The following SLC44A3 variants were observed in gnomAD, a reference collection of about 807,000 sequenced individuals.
The protein encoded by SLC44A3 is choline transporter-like protein 3.
In SLC44A3, 74 loss-of-function variants were observed where a neutral mutation model predicts 75.4. The ratio of observed to expected loss-of-function variants is 0.98; its 90% CI spans 0.81 to 1.19. The LOEUF (loss-of-function observed/expected upper bound fraction) is 1.19. SLC44A3 is among the 50% of genes most tolerant of loss of function. The pLI, the probability that SLC44A3 is intolerant of heterozygous loss-of-function variation, is 0.00. For synonymous variants in SLC44A3, 310 were observed against 296.9 expected (o/e 1.04, Z -0.45); for missense variants, 700 against 778.6 (o/e 0.90, Z 1.20).
intron 2 of SLC44A3, among the ~76,000 whole-genome samples, chr1:94,821,418 C>G (rs1048397602): frequency 8.5e-5 from 13 of 152,196 alleles, no homozygotes; most frequent in Non-Finnish European, 1.8e-4. Context: ...TTTGGTGCAC[C>G]TTTAACAAAG....
At position 94,889,385 on chromosome 1, in the gene SLC44A3, G is replaced by A. The variant is rs556403357; in HGVS notation, c.1483-1745G>A. On this transcript the variant is annotated intron_variant, in intron 12 of 14. Coordinates refer to ENST00000271227, the MANE Select transcript of SLC44A3 (RefSeq NM_001114106.3). The stretch of plus-strand genomic sequence containing the variant: ...TATTCTCATGTATTTTCCCAGGAAA[G>A]TTATAAATTCTTGTTGTAATCTGCA... 2.0e-5 allele frequency: 3 copies of A among 152,264 alleles called. No homozygotes were observed. The South Asian group carries it at 6.2e-4, about 32-fold the overall frequency. The allele number at this position is 152,264 out of a possible 1,614,324, so 9.4% of individuals were successfully genotyped here. A position where few individuals can be genotyped will look rare whatever the true frequency, so the allele number is the denominator to read the frequency against.
At chr1:94,820,794 G>C (rs1660457838) in intron 1 of SLC44A3, 155 bp from the exon 2 acceptor site, 4 of 1,351,830 alleles carry the variant, frequency 3.0e-6, no homozygotes, top group Non-Finnish European at 3.9e-6. Context: ...CTGTGTGAAA[G>C]AGCTTCAGGT....
intron 9 of SLC44A3, among the ~76,000 whole-genome samples, chr1:94,847,776 C>T (rs1344948541): frequency 1.3e-5 from 2 of 152,212 alleles, no homozygotes; most frequent in African/African-American, 4.8e-5. Context: ...GTTCAAGTTA[C>T]AGGCAGGAAA....
At chr1:94,857,628 G>C in intron 10 of SLC44A3, 128 bp downstream of exon 10, 1 of 991,178 alleles carries the variant, frequency 1.0e-6, no homozygotes, top group East Asian at 2.8e-5. Context: ...GAATAAAAGA[G>C]TAAGCTAAAA....
At chr1:94,893,217 TTTCA>T (rs1239444431) in intron 14 of SLC44A3, among the ~76,000 whole-genome samples, 1 of 152,222 alleles carries the variant, frequency 6.6e-6, no homozygotes, top group African/African-American at 2.4e-5. Flanking sequence ...CATACTTTTC[TTTCA>T]TTCTGTTGCC....
intron 5 of SLC44A3, 26 bp downstream of exon 5, chr1:94,828,612 A>T: frequency 6.2e-7 from 1 of 1,600,622 alleles, no homozygotes. Flanking sequence ...CTTTTTCCTT[A>T]ACTCTAAACA....
intron 10 of SLC44A3, among the ~76,000 whole-genome samples, chr1:94,861,346 A>G (rs903379852): frequency 1.3e-5 from 2 of 152,182 alleles, no homozygotes; most frequent in Non-Finnish European, 2.9e-5. Context: ...AAACCAAGAA[A>G]TAGCAGTAAG....
intron 2 of SLC44A3, among the ~76,000 whole-genome samples, chr1:94,824,073 A>G (rs1238134258): frequency 2.0e-5 from 3 of 152,164 alleles, no homozygotes; most frequent in East Asian, 1.9e-4. Flanking sequence ...GTAAGAAAAG[A>G]AAAACAAAAA....
chr1:94,880,081 T>C (rs1668784707), intron 12 of SLC44A3, among the ~76,000 whole-genome samples: 1 of 152,146 alleles, frequency 6.6e-6, no homozygotes, highest in East Asian at 1.9e-4. Context: ...AAATGTAAAA[T>C]GTTGTAACTG....
rs1478959788 is a variant in SLC44A3, at chr1:94,857,466, A to G, written c.1204A>G (p.Ile402Val). The part of the protein sequence containing the change: ...EFILACQQMT[I>V]AGAVVTCYFN... ...CATCCTTGCGTGCCAGCAAATGACT[A>G]TAGCTGGGGCAGTGGTTACTTGTTA... The change falls in exon 10 of 15, where the codon ATA (isoleucine) becomes GTA (valine). Residue 402 changes from isoleucine to valine, a missense_variant. By Grantham distance (29) the Ile-to-Val change is conservative. Coordinates refer to ENST00000271227, the MANE Select transcript of SLC44A3 (RefSeq NM_001114106.3). 18 of 1,613,534 alleles carry G rather than the reference A, an allele frequency of 1.1e-5. No homozygotes were observed. In the Admixed American group the frequency reaches 2.8e-4, roughly 25 times the overall value.
chr1:94,829,598 C>T (rs1311016771), intron 5 of SLC44A3, among the ~76,000 whole-genome samples: 1 of 152,172 alleles, frequency 6.6e-6, no homozygotes, highest in Non-Finnish European at 1.5e-5. Flanking sequence ...ATGTTTACAC[C>T]TTTGAGAAGG....
intron 14 of SLC44A3, among the ~76,000 whole-genome samples, chr1:94,893,606 C>T (rs1394500289): frequency 6.6e-6 from 1 of 151,944 alleles, no homozygotes; most frequent in South Asian, 2.1e-4. Context: ...GAACTCCTGA[C>T]CTCAGGTGAT....
intron 1 of SLC44A3, 178 bp downstream of exon 1, chr1:94,820,656 G>A (rs970769413): frequency 4.3e-6 from 6 of 1,386,064 alleles, no homozygotes; most frequent in Non-Finnish European, 5.6e-6. Flanking sequence ...CTCCAGTGCT[G>A]GGGCGGAGGC....
In SLC44A3 at chr1:94,867,349, A is replaced by G. The variant is rs761918848; in HGVS notation, c.1414A>G (p.Arg472Gly). 12 of 1,599,200 alleles carry G rather than the reference A, an allele frequency of 7.5e-6. No homozygotes were observed. In the South Asian group the frequency reaches 7.9e-5, roughly 11 times the overall value. Residue 472 changes from arginine to glycine, a missense_variant, in exon 12 of 15, where the codon AGG (arginine) becomes GGG (glycine). Transcript: ENST00000271227. ...GATCCAGCAGCATGGTGCATTGTCC[A>G]GGTACCTGTTCCGATGCTGCTACTG... ...LKEQQHGALS[R>G]YLFRCCYCCF...
chr1:94,849,770 GT>G (rs927145480), intron 9 of SLC44A3, among the ~76,000 whole-genome samples: 1 of 152,040 alleles, frequency 6.6e-6, no homozygotes, highest in Non-Finnish European at 1.5e-5. Flanking sequence ...TTTTTTGTTG[GT>G]TTTTGTTTGT....
At chr1:94,869,401 CA>C in intron 12 of SLC44A3, among the ~76,000 whole-genome samples, 1 of 152,200 alleles carries the variant, frequency 6.6e-6, no homozygotes, top group Non-Finnish European at 1.5e-5. Flanking sequence ...GTCAGTGGTG[CA>C]AACAGGGATA....
At chr1:94,827,358 C>A in intron 3 of SLC44A3, 149 bp from the exon 4 acceptor site, 1 of 976,372 alleles carries the variant, frequency 1.0e-6, no homozygotes, top group Non-Finnish European at 1.5e-6. Flanking sequence ...CAGTAGGCAT[C>A]ATAAATGTTC....
rs760926153 is a variant in SLC44A3, at chr1:94,837,872, G to A, written c.670+1G>A. 3 of 1,586,578 alleles carry A rather than the reference G, an allele frequency of 1.9e-6. No individual in the cohort carries two copies. The highest frequency in any genetic ancestry group is 2.3e-5 in the South Asian group (2 of 85,352). On this transcript the variant is annotated splice_donor_variant, in intron 6 of 14. Transcript: ENST00000271227. LOFTEE classifies it high-confidence loss of function. ...CTTGGCCTGTGTATCCTCGCATTAG[G>A]TAATTCTCAGTTAAGTTAATTTTAA...
At chr1:94,829,691 A>T (rs1228572170) in intron 5 of SLC44A3, among the ~76,000 whole-genome samples, 1 of 152,222 alleles carries the variant, frequency 6.6e-6, no homozygotes, top group African/African-American at 2.4e-5. Flanking sequence ...TTGATTTTGA[A>T]TTGTCATTCT....
Sources: allele counts gnomAD v4.1 joint callset (sites outside exome capture counted in the v4.1 genomes callset), GRCh38; gene constraint gnomAD v4.1.1; transcripts MANE v1.5; gene names NCBI Gene and HGNC (gene_info 2026-07-23, HGNC 2026-07-21).